PDCD7: variants seen among roughly 807,000 people sequenced by gnomAD.
The protein encoded by PDCD7 is programmed cell death protein 7.
In PDCD7, 40 loss-of-function variants were observed where a neutral mutation model predicts 42.1. The ratio of observed to expected loss-of-function variants is 0.95; its 90% CI spans 0.74 to 1.24. The LOEUF (loss-of-function observed/expected upper bound fraction) is 1.24. Among genes scored for constraint, PDCD7 ranks in the 50% most tolerant of loss-of-function variants. PDCD7 has a pLI of 0.00. For missense variants in PDCD7, 644 were observed against 662.8 expected (o/e 0.97, Z 0.31); for synonymous variants, 299 against 303.3 (o/e 0.99, Z 0.15).
In PDCD7 at chr15:65,133,445, C is replaced by G; in HGVS notation, c.337G>C (p.Gly113Arg). The change falls in exon 1 of 5, where the codon GGC becomes CGC. Residue 113 changes from glycine (G) to arginine (R), a missense_variant. By Grantham distance (125) the Gly-to-Arg change is moderately radical. Transcript: ENST00000204549. ...AGERPRPPPPGPGPPWSPRWP... is the reference protein window; with the variant it reads ...AGERPRPPPPRPGPPWSPRWP... ...CGCGGGCTCCAGGGCGGCCCCGGGC[C>G]GGGAGGCGGTGGCCGCGGCCGCTCG... 2.5e-6 allele frequency: 3 copies of G among 1,196,172 alleles called. No homozygotes were observed. Among genetic ancestry groups the G allele is most frequent in the Non-Finnish European group, 3.1e-6 (3 of 965,244 alleles). The allele number at this position is 1,196,172 out of a possible 1,614,324, so 74.1% of individuals were successfully genotyped here.
At chr15:65,125,672 ATATT>A (rs1386050081) in intron 2 of PDCD7, among the ~76,000 whole-genome samples, 2 of 152,190 alleles carry the variant, frequency 1.3e-5, no homozygotes, top group East Asian at 1.9e-4. Flanking sequence ...TACTTTACAC[ATATT>A]TATTAATTTA....
chr15:65,120,019 C>T lies in PDCD7; in HGVS notation c.1010-65G>A, dbSNP rs995756040. On this transcript the variant is annotated intron_variant, in intron 2 of 4. Coordinates refer to ENST00000204549, the MANE Select transcript of PDCD7 (RefSeq NM_005707.2). ...TTTTTGAGACAAGGCCTCGCTCTAA[C>T]ACCCAGGCTGGAGTACAGTGGTGTG... The T allele has an allele frequency of 4.3e-5, 66 of 1,522,970 alleles. No individual in the cohort carries two copies. In the Middle Eastern group the frequency reaches 6.8e-4, roughly 16 times the overall value. 94.3% of individuals were successfully genotyped at this position (1,522,970 alleles called of 1,614,324 possible).
rs964462491 is a variant in PDCD7 at position 65,117,417 on chromosome 15, T to G, written c.*1300A>C. Reference sequence around the variant, plus strand: ...TGATTTTTATTTAGTTTTTTGGAAATATAACAAAATAATTGGCAAAAACCA... The same window carrying G: ...TGATTTTTATTTAGTTTTTTGGAAAGATAACAAAATAATTGGCAAAAACCA... On this transcript the variant is annotated 3_prime_UTR_variant, in exon 5 of 5. Transcript: ENST00000204549. 1 of 152,018 alleles carries G rather than the reference T, an allele frequency of 6.6e-6. No homozygotes were observed. The highest frequency in any genetic ancestry group is 1.5e-5 in the Non-Finnish European group (1 of 67,976). 9.4% of individuals were successfully genotyped at this position (152,018 alleles called of 1,614,324 possible).
chr15:65,120,953 C>G (rs2087448942), intron 2 of PDCD7, among the ~76,000 whole-genome samples: 1 of 151,870 alleles, frequency 6.6e-6, no homozygotes, highest in Non-Finnish European at 1.5e-5. Context: ...TTTTAAGGCT[C>G]AATTTGATGT....
rs568349147 is a variant in PDCD7, at chr15:65,128,918, C to G, written c.1009+114G>C. ...CTTGCTGACAAGCCCAGTTACCCGA[C>G]AAGGTGAAAATCATGAAGTTTCAAG... On this transcript the variant is annotated intron_variant, in intron 2 of 4. Coordinates refer to ENST00000204549, the MANE Select transcript of PDCD7 (RefSeq NM_005707.2). 36 of 1,257,536 alleles carry G rather than the reference C, an allele frequency of 2.9e-5. No homozygotes were observed. In the African/African-American group the frequency reaches 4.6e-4, roughly 16 times the overall value. 77.9% of individuals were successfully genotyped at this position (1,257,536 alleles called of 1,614,324 possible). A position where few individuals can be genotyped will look rare whatever the true frequency, so the allele number is the denominator to read the frequency against.
At chr15:65,121,022 C>G (rs1393083762) in intron 2 of PDCD7, among the ~76,000 whole-genome samples, 1 of 150,960 alleles carries the variant, frequency 6.6e-6, no homozygotes, top group African/African-American at 2.4e-5. Context: ...CCCTCTGGAT[C>G]ATCCACACCA....
At chr15:65,124,374 G>T (rs778296772) in intron 2 of PDCD7, among the ~76,000 whole-genome samples, 4 of 151,380 alleles carry the variant, frequency 2.6e-5, no homozygotes, top group Non-Finnish European at 4.4e-5. Context: ...GCAGTGAGCC[G>T]AGATTGCACC....
intron 2 of PDCD7, 37 bp from the exon 3 acceptor site, chr15:65,119,991 T>A (rs558974453): frequency 1.4e-4 from 226 of 1,583,192 alleles, no homozygotes; most frequent in Admixed American, 5.4e-4. Flanking sequence ...TTATTTATTT[T>A]TTTTTTTGAG....
Position 65,133,537 on chromosome 15 carries a change from G to C in PDCD7, c.245C>G (p.Pro82Arg). The change falls in exon 1 of 5, where the codon CCG becomes CGG. Residue 82 changes from proline to arginine, a missense_variant. Pro to Arg is a moderately radical substitution (Grantham distance 103, BLOSUM62 -2). Transcript: ENST00000204549. ...RGGGGAGAFY[P>R]VPPPPLPPPP... is the part of the protein sequence containing the mutation. ...AGGAGGCAGCGGCGGTGGTGGCACC[G>C]GGTAGAAGGCGCCAGCGCCGCCTCC... 1.6e-6 allele frequency: 2 copies of C among 1,228,608 alleles called. No individual in the cohort carries two copies. Among genetic ancestry groups the C allele is most frequent in the Non-Finnish European group, 2.0e-6 (2 of 985,974 alleles). 76.1% of individuals were successfully genotyped at this position (1,228,608 alleles called of 1,614,324 possible). A position where few individuals can be genotyped will look rare whatever the true frequency, so the allele number is the denominator to read the frequency against.
At position 65,118,575 on chromosome 15, in the gene PDCD7, G is replaced by A; in HGVS notation, c.*142C>T. On this transcript the variant is annotated 3_prime_UTR_variant, in exon 5 of 5. Transcript: ENST00000204549. ...GCACCTCTGGCCAGCACAGAGCACA[G>A]AAGGAAAGCATAACTTCAGGGTAGG... is the stretch of plus-strand genomic sequence containing the variant. The A allele has an allele frequency of 2.4e-6, 2 of 837,624 alleles. No individual in the cohort carries two copies. The highest frequency in any genetic ancestry group is 3.5e-6 in the Non-Finnish European group (2 of 578,106). The allele number at this position is 837,624 out of a possible 1,614,324, so 51.9% of individuals were successfully genotyped here.
chr15:65,126,910 C>T (rs1180422207), intron 2 of PDCD7, among the ~76,000 whole-genome samples: 1 of 151,788 alleles, frequency 6.6e-6, no homozygotes, highest in African/African-American at 2.4e-5. Context: ...ACACATATAC[C>T]TTTATTCATT....
At chr15:65,132,094 ATATG>A (rs200140999) in intron 1 of PDCD7, among the ~76,000 whole-genome samples, 3,287 of 132,852 alleles carry the variant, frequency 0.025, 57 homozygotes, top group African/African-American at 0.045. Flanking sequence ...ACACATACAT[ATATG>A]TATGTGTATA....
chr15:65,129,278 G>T, intron 1 of PDCD7, 108 bp from the exon 2 acceptor site: 2 of 1,222,898 alleles, frequency 1.6e-6, no homozygotes, highest in Non-Finnish European at 2.3e-6. Context: ...TCCAGGTTAA[G>T]AGAGACTCTA....
intron 2 of PDCD7, among the ~76,000 whole-genome samples, chr15:65,123,553 A>C (rs1428309586): frequency 2.6e-5 from 4 of 152,234 alleles, no homozygotes; most frequent in Admixed American, 6.5e-5. Context: ...TTGAGCACTA[A>C]ATTTTCAGTT....
At position 65,130,270 on chromosome 15, in the gene PDCD7, C is replaced by T. The variant is rs138399291; in HGVS notation, c.871-1100G>A. On this transcript the variant is annotated intron_variant, in intron 1 of 4. Transcript: ENST00000204549. ...CCTCCTGGGTTCAAGCGATTCCCTG[C>T]TTCAGCCTCCCAATTAGCTGGGTTT... 5.7e-3 allele frequency among the ~76,000 whole-genome samples: 861 copies of T among 149,848 alleles called. 4 individuals are homozygous for T. Among genetic ancestry groups the T allele is most frequent in the Middle Eastern group, 0.014 (4 of 292 alleles).
intron 2 of PDCD7, among the ~76,000 whole-genome samples, chr15:65,124,880 T>C (rs1028168808): frequency 3.9e-5 from 6 of 152,176 alleles, no homozygotes; most frequent in Non-Finnish European, 7.3e-5. Context: ...ACAGTACTAC[T>C]GGAAGAGGTC....
intron 2 of PDCD7, among the ~76,000 whole-genome samples, chr15:65,126,223 T>C (rs1174822519): frequency 6.6e-6 from 1 of 152,192 alleles, no homozygotes; most frequent in Non-Finnish European, 1.5e-5. Context: ...CTCTCTGACC[T>C]CTCTTGGTCT....
At chr15:65,131,506 T>C (rs758311800) in intron 1 of PDCD7, among the ~76,000 whole-genome samples, 21 of 152,192 alleles carry the variant, frequency 1.4e-4, no homozygotes, top group Non-Finnish European at 2.6e-4. Flanking sequence ...CCCAGCACTT[T>C]GGCAGGCTGA....
At chr15:65,126,908 A>G (rs1231720099) in intron 2 of PDCD7, among the ~76,000 whole-genome samples, 1 of 152,078 alleles carries the variant, frequency 6.6e-6, no homozygotes, top group Non-Finnish European at 1.5e-5. Context: ...ATACACATAT[A>G]CCTTTATTCA....
Sources: allele counts gnomAD v4.1 joint callset (sites outside exome capture counted in the v4.1 genomes callset), GRCh38; gene constraint gnomAD v4.1.1; transcripts MANE v1.5; gene names NCBI Gene and HGNC (gene_info 2026-07-23, HGNC 2026-07-21).